Variants in SEC11A observed in about 807,000 individuals in gnomAD.
SEC11A encodes the protein signal peptidase complex catalytic subunit SEC11A.
In SEC11A, 14 loss-of-function variants were observed where a neutral mutation model predicts 25.6. That is an observed-to-expected ratio of 0.55 (90% confidence interval 0.36 to 0.85). The LOEUF is 0.85. Ranked by LOEUF, SEC11A falls within the 40% of genes least tolerant of loss-of-function variation. SEC11A has a pLI of 0.01. For missense variants in SEC11A, 153 were observed against 222.9 expected (o/e 0.69, Z 2.00); for synonymous variants, 83 against 76.4 (o/e 1.09, Z -0.45).
intron 1 of SEC11A, among the ~76,000 whole-genome samples, chr15:84,692,585 A>G (rs1190956870): frequency 6.6e-6 from 1 of 152,192 alleles, no homozygotes; most frequent in Non-Finnish European, 1.5e-5. Context: ...TCAATTTCAA[A>G]TAAAGAAAAT....
At position 84,692,024 on chromosome 15, in the gene SEC11A, C is replaced by CTT. The variant is rs59177902; in HGVS notation, c.52-382_52-381dup. On this transcript the variant is annotated intron_variant, in intron 1 of 5. Transcript: ENST00000268220. ...AACTCCTCTATTACTTTTTCTTTTT[C>CTT]TTTTTTTTTTTTTTTTTGAGATGGA... 7.4e-3 allele frequency: 940 copies of CTT among 127,268 alleles called. 11 individuals carry two copies. The highest frequency in any genetic ancestry group is 0.014 in the East Asian group (60 of 4,406). 7.9% of individuals were successfully genotyped at this position (127,268 alleles called of 1,614,324 possible).
At chr15:84,684,925 C>T (rs540450863) in intron 3 of SEC11A, among the ~76,000 whole-genome samples, 2 of 151,876 alleles carry the variant, frequency 1.3e-5, no homozygotes, top group Non-Finnish European at 2.9e-5. Context: ...AGCGAGACTC[C>T]GTCTCAAAAG....
chr15:84,712,766 A>G (rs8027776), intron 1 of SEC11A, among the ~76,000 whole-genome samples: 125,823 of 152,016 alleles, frequency 0.83, 52,328 homozygotes, highest in East Asian at 0.94. Context: ...TTAAAACTCC[A>G]AAGAATACAT....
At chr15:84,700,984 C>CAAAAA (rs57015135) in intron 1 of SEC11A, among the ~76,000 whole-genome samples, 23 of 77,974 alleles carry the variant, frequency 2.9e-4, no homozygotes, top group Non-Finnish European at 3.9e-4. Context: ...AACTCCATAT[C>CAAAAA]AAAAAAAAAA....
intron 2 of SEC11A, among the ~76,000 whole-genome samples, chr15:84,691,260 G>T (rs1897598089): frequency 1.3e-5 from 2 of 151,862 alleles, no homozygotes; most frequent in Admixed American, 6.6e-5. Flanking sequence ...TTTTTGTGGA[G>T]ACAGGGTTTC....
intron 1 of SEC11A, among the ~76,000 whole-genome samples, chr15:84,701,118 C>T (rs985388986): frequency 6.9e-6 from 1 of 144,800 alleles, no homozygotes; most frequent in Non-Finnish European, 1.5e-5. Context: ...GTTTAGCAAA[C>T]TTGAAGTCAT....
chr15:84,691,208 G>A (rs907108637), intron 2 of SEC11A, among the ~76,000 whole-genome samples: 1 of 151,422 alleles, frequency 6.6e-6, no homozygotes. Flanking sequence ...CCGAGTAGCT[G>A]AGACTACAGG....
intron 4 of SEC11A, among the ~76,000 whole-genome samples, chr15:84,677,148 A>G (rs954939245): frequency 6.6e-6 from 1 of 152,140 alleles, no homozygotes; most frequent in Admixed American, 6.5e-5. Context: ...CCTGTGGAAA[A>G]GCTCTATTCT....
At chr15:84,708,900 T>A (rs1033702483) in intron 1 of SEC11A, among the ~76,000 whole-genome samples, 1 of 152,016 alleles carries the variant, frequency 6.6e-6, no homozygotes, top group Non-Finnish European at 1.5e-5. Context: ...ATAAAAAGAA[T>A]GAAGGATCCT....
chr15:84,701,095 C>A (rs575310306), intron 1 of SEC11A, among the ~76,000 whole-genome samples: 1 of 149,908 alleles, frequency 6.7e-6, no homozygotes, highest in East Asian at 2.0e-4. Context: ...TGACTAGGCA[C>A]CTCAGAAGAA....
At chr15:84,678,670 A>G (rs1897203212) in intron 4 of SEC11A, among the ~76,000 whole-genome samples, 1 of 152,204 alleles carries the variant, frequency 6.6e-6, no homozygotes, top group South Asian at 2.1e-4. Context: ...CCTTTCACAC[A>G]CAAAATGCGT....
At chr15:84,684,081 G>T (rs1246999962) in intron 3 of SEC11A, among the ~76,000 whole-genome samples, 3 of 152,198 alleles carry the variant, frequency 2.0e-5, no homozygotes, top group African/African-American at 7.2e-5. Context: ...ACAGAATAAT[G>T]TATCCATCTG....
At chr15:84,679,508 G>GT (rs1360754780) in intron 4 of SEC11A, among the ~76,000 whole-genome samples, 1 of 152,184 alleles carries the variant, frequency 6.6e-6, no homozygotes, top group Admixed American at 6.5e-5. Context: ...TGGGAACTGC[G>GT]TATCTCAGAC....
intron 1 of SEC11A, among the ~76,000 whole-genome samples, chr15:84,713,837 A>C (rs1266072291): frequency 6.6e-6 from 1 of 152,104 alleles, no homozygotes; most frequent in Non-Finnish European, 1.5e-5. Context: ...AGATGAAGCT[A>C]TTAAGGTCTT....
At chr15:84,691,372 C>T (rs1897601844) in intron 2 of SEC11A, among the ~76,000 whole-genome samples, 163 bp downstream of exon 2, 1 of 152,182 alleles carries the variant, frequency 6.6e-6, no homozygotes, top group Admixed American at 6.5e-5. Flanking sequence ...CCGTGCCCAG[C>T]CTGAGAATTT....
At chr15:84,705,530 C>A (rs141461213) in intron 1 of SEC11A, among the ~76,000 whole-genome samples, 20 of 152,202 alleles carry the variant, frequency 1.3e-4, no homozygotes, top group African/African-American at 4.8e-4. Flanking sequence ...TGACTCCTCT[C>A]ATTATTACCC....
At chr15:84,679,570 A>G (rs1897230901) in intron 4 of SEC11A, among the ~76,000 whole-genome samples, 1 of 152,228 alleles carries the variant, frequency 6.6e-6, no homozygotes, top group South Asian at 2.1e-4. Context: ...CTAGGTCAAA[A>G]GGAGCAGAGG....
At chr15:84,705,344 G>A (rs527656088) in intron 1 of SEC11A, among the ~76,000 whole-genome samples, 1 of 152,142 alleles carries the variant, frequency 6.6e-6, no homozygotes, top group African/African-American at 2.4e-5. Flanking sequence ...TGACAGAAAT[G>A]GCCTTTTCAG....
At chr15:84,698,480 T>C (rs990001045) in intron 1 of SEC11A, among the ~76,000 whole-genome samples, 2 of 152,200 alleles carry the variant, frequency 1.3e-5, no homozygotes, top group Admixed American at 6.6e-5. Context: ...GGTATACTGA[T>C]AGCAGCTAGA....
Sources: allele counts gnomAD v4.1 joint callset (sites outside exome capture counted in the v4.1 genomes callset), GRCh38; gene constraint gnomAD v4.1.1; transcripts MANE v1.5; gene names NCBI Gene and HGNC (gene_info 2026-07-23, HGNC 2026-07-21).